Variants in SH3BGRL observed in about 807,000 individuals in gnomAD.
SH3BGRL encodes adapter SH3BGRL.
Under a neutral mutation model 9.8 loss-of-function variants are expected in SH3BGRL, and 7 were observed. The observed-to-expected ratio is 0.72, with a 90% CI of 0.41 to 1.35. SH3BGRL has a LOEUF of 1.35. SH3BGRL is among the 40% of genes most tolerant of loss of function. The probability of loss-of-function intolerance (pLI) is 0.01; values close to 1 mark genes in which losing one functional copy is unlikely to be tolerated. For missense variants in SH3BGRL, 73 were observed against 84.4 expected (o/e 0.86, Z 0.53); for synonymous variants, 36 against 29.1 (o/e 1.24, Z -0.76).
At chrX:81,274,176 C>T (rs549300887) in intron 1 of SH3BGRL, among the ~76,000 whole-genome samples, 1 of 111,703 alleles carries the variant, frequency 9.0e-6, no homozygotes, top group South Asian at 3.8e-4. Flanking sequence ...CCTCTTGGTT[C>T]TGGCAATATA....
intron 3 of SH3BGRL, among the ~76,000 whole-genome samples, chrX:81,296,822 C>A (rs1010810563): frequency 9.0e-6 from 1 of 110,962 alleles, no homozygotes; most frequent in Non-Finnish European, 1.9e-5. Context: ...GTAATTTAAA[C>A]CTTAATTAAC....
chrX:81,292,077 C>A (rs933137270), intron 3 of SH3BGRL, among the ~76,000 whole-genome samples: 1 of 111,033 alleles, frequency 9.0e-6, no homozygotes, highest in Non-Finnish European at 1.9e-5. Flanking sequence ...GGCAGTGGCC[C>A]CTTTCTCACA....
chrX:81,265,429 A>C (rs923621893), intron 1 of SH3BGRL, among the ~76,000 whole-genome samples: 2 of 109,848 alleles, frequency 1.8e-5, no homozygotes, highest in African/African-American at 6.7e-5. Flanking sequence ...CTCATTGTTC[A>C]ACTCCCGCTT....
intron 1 of SH3BGRL, among the ~76,000 whole-genome samples, chrX:81,253,921 C>T (rs916949542): frequency 1.8e-5 from 2 of 111,284 alleles, no homozygotes; most frequent in East Asian, 5.7e-4. Context: ...GTATCCTTTC[C>T]CTCTGTATCA....
At chrX:81,296,576 G>A (rs993309413) in intron 3 of SH3BGRL, among the ~76,000 whole-genome samples, 3 of 110,920 alleles carry the variant, frequency 2.7e-5, no homozygotes, top group Admixed American at 1.9e-4. Flanking sequence ...TGTCTACCAC[G>A]CTTGATTTCT....
chrX:81,240,652 A>G (rs770292335), intron 1 of SH3BGRL, among the ~76,000 whole-genome samples: 37 of 112,783 alleles, frequency 3.3e-4, no homozygotes, highest in Admixed American at 1.2e-3. Context: ...GTCCATATCA[A>G]CATAGCAATG....
At chrX:81,261,824 A>G (rs1240076580) in intron 1 of SH3BGRL, among the ~76,000 whole-genome samples, 2 of 111,450 alleles carry the variant, frequency 1.8e-5, no homozygotes, top group Non-Finnish European at 3.8e-5. Flanking sequence ...CATATTGTAC[A>G]TTCCACAGGC....
chrX:81,229,628 A>G (rs1250666691), intron 1 of SH3BGRL, among the ~76,000 whole-genome samples: 2 of 111,311 alleles, frequency 1.8e-5, no homozygotes, highest in Admixed American at 1.9e-4. Context: ...GCCAAACTCC[A>G]TGTCGTTCTG....
chrX:81,227,266 AT>A (rs1242626894), intron 1 of SH3BGRL, among the ~76,000 whole-genome samples: 1 of 112,444 alleles, frequency 8.9e-6, no homozygotes, highest in African/African-American at 3.2e-5. Context: ...CACTTTATGG[AT>A]TTGAAATGGC....
At chrX:81,231,133 T>A (rs1303789138) in intron 1 of SH3BGRL, among the ~76,000 whole-genome samples, 1 of 112,115 alleles carries the variant, frequency 8.9e-6, no homozygotes, top group African/African-American at 3.2e-5. Flanking sequence ...TAGAAATAGA[T>A]TTAAATATTA....
intron 1 of SH3BGRL, among the ~76,000 whole-genome samples, chrX:81,266,137 G>A (rs566521938): frequency 4.7e-4 from 52 of 111,472 alleles, no homozygotes; most frequent in African/African-American, 1.4e-3. Flanking sequence ...ATTTTCTCCC[G>A]TTCTGTAGGT....
At chrX:81,235,024 A>C (rs920017899) in intron 1 of SH3BGRL, among the ~76,000 whole-genome samples, 1 of 111,570 alleles carries the variant, frequency 9.0e-6, no homozygotes, top group African/African-American at 3.3e-5. Flanking sequence ...GGTTGTCTTG[A>C]GTAGATTACT....
intron 1 of SH3BGRL, among the ~76,000 whole-genome samples, chrX:81,241,066 T>C (rs1243920058): frequency 1.8e-5 from 2 of 112,952 alleles, no homozygotes; most frequent in Non-Finnish European, 3.8e-5. Context: ...TCCCTCTCTC[T>C]GGCCTCTTCC....
chrX:81,224,045 G>A (rs1251172259), intron 1 of SH3BGRL, among the ~76,000 whole-genome samples: 1 of 111,389 alleles, frequency 9.0e-6, no homozygotes, highest in Admixed American at 9.5e-5. Context: ...ATTCATGATA[G>A]TTGATAGTGT....
At chrX:81,248,011 A>G (rs1340038419) in intron 1 of SH3BGRL, among the ~76,000 whole-genome samples, 1 of 109,304 alleles carries the variant, frequency 9.1e-6, no homozygotes, top group Non-Finnish European at 1.9e-5. Flanking sequence ...TAGGGTTTCA[A>G]ATCCTTCCTG....
At chrX:81,262,916 G>A (rs968422997) in intron 1 of SH3BGRL, among the ~76,000 whole-genome samples, 2 of 111,591 alleles carry the variant, frequency 1.8e-5, no homozygotes, top group Admixed American at 9.6e-5. Context: ...GCACTATATG[G>A]GGAGACAAAA....
At chrX:81,270,618 C>G (rs1448429628) in intron 1 of SH3BGRL, among the ~76,000 whole-genome samples, 1 of 111,750 alleles carries the variant, frequency 8.9e-6, no homozygotes, top group Non-Finnish European at 1.9e-5. Context: ...ACAGGGGCAC[C>G]CACCTGTATG....
chrX:81,245,858 G>A (rs1170198546), intron 1 of SH3BGRL, among the ~76,000 whole-genome samples: 1 of 111,876 alleles, frequency 8.9e-6, no homozygotes, highest in African/African-American at 3.3e-5. Context: ...TAGATTGCTA[G>A]GTCAAATGTT....
intron 1 of SH3BGRL, among the ~76,000 whole-genome samples, chrX:81,241,124 G>A (rs972586225): frequency 8.9e-6 from 1 of 112,635 alleles, no homozygotes; most frequent in African/African-American, 3.2e-5. Context: ...GGCCTTGTCT[G>A]GGTGTTGTAG....
Sources: allele counts gnomAD v4.1 joint callset (sites outside exome capture counted in the v4.1 genomes callset), GRCh38; gene constraint gnomAD v4.1.1; transcripts MANE v1.5; gene names NCBI Gene and HGNC (gene_info 2026-07-23, HGNC 2026-07-21).